ASAP2: variants seen among roughly 807,000 people sequenced by gnomAD.
ASAP2 encodes the protein ArfGAP with SH3 domain, ankyrin repeat and PH domain 2.
In ASAP2, 45 loss-of-function variants were observed where a neutral mutation model predicts 131.4. The ratio of observed to expected loss-of-function variants is 0.34; its 90% CI spans 0.27 to 0.44. ASAP2 has a LOEUF of 0.44. ASAP2 is among the 20% of genes least tolerant of loss of function. The pLI, the probability that ASAP2 is intolerant of heterozygous loss-of-function variation, is 1.00. For missense variants in ASAP2, 1,011 were observed against 1,297.0 expected (o/e 0.78, Z 3.39); for synonymous variants, 510 against 503.0 (o/e 1.01, Z -0.19).
chr2:9,271,409 C>T (rs1666385208), intron 1 of ASAP2: 9 of 1,422,826 alleles, frequency 6.3e-6, no homozygotes, highest in Non-Finnish European at 7.9e-6. Flanking sequence ...TCTGGATGCT[C>T]AATTACAGTA....
chr2:9,378,926 G>T lies in ASAP2; in HGVS notation c.1833-18G>T, dbSNP rs13411384. Reference sequence around the variant, plus strand: ...CTGTGACACACTATGCTCTCTCTCTGTTCCTGTTCTCGGGCAGTGGGAACC... The same window carrying T: ...CTGTGACACACTATGCTCTCTCTCTTTTCCTGTTCTCGGGCAGTGGGAACC... On this transcript the variant is annotated intron_variant, in intron 18 of 27. Transcript: ENST00000281419. The T allele has an allele frequency of 1.4e-6, 2 of 1,427,924 alleles. No individual in the cohort carries two copies. Among genetic ancestry groups the T allele is most frequent in the Non-Finnish European group, 1.9e-6 (2 of 1,078,488 alleles). 88.5% of individuals were successfully genotyped at this position (1,427,924 alleles called of 1,614,324 possible).
intron 1 of ASAP2, among the ~76,000 whole-genome samples, chr2:9,264,139 C>G (rs181988274): frequency 1.9e-3 from 282 of 150,740 alleles, no homozygotes; most frequent in African/African-American, 6.5e-3. Context: ...TTGCAGTGAG[C>G]CAAGATCACA....
chr2:9,278,554 T>G (rs1389505459), intron 1 of ASAP2, among the ~76,000 whole-genome samples: 1 of 151,998 alleles, frequency 6.6e-6, no homozygotes, highest in Admixed American at 6.5e-5. Flanking sequence ...ACTTTTTACC[T>G]TTGTATCTGT....
rs1674266981 is a variant in ASAP2 at position 9,374,842 on chromosome 2, C to G, written c.1644C>G (p.His548Gln). Residue 548 changes from histidine (H) to glutamine (Q), a missense_variant, in exon 17 of 28, where the codon CAC becomes CAG. Transcript: ENST00000281419. The stretch of plus-strand genomic sequence containing the variant: ...ACGCGGATAACGCGGCGAAGCTTCA[C>G]AGTCTTTGCGAGGCCGTCAAAACGA... ...KKHADNAAKL[H>Q]SLCEAVKTRD... The G allele has an allele frequency of 6.2e-7, 1 of 1,613,996 alleles. No individual in the cohort carries two copies. The highest frequency in any genetic ancestry group is 1.3e-5 in the African/African-American group (1 of 74,912).
chr2:9,315,421 C>G (rs1410718102), intron 3 of ASAP2, among the ~76,000 whole-genome samples: 1 of 152,088 alleles, frequency 6.6e-6, no homozygotes, highest in African/African-American at 2.4e-5. Context: ...AGGGTTAAGA[C>G]CTGGAATTTG....
intron 12 of ASAP2, among the ~76,000 whole-genome samples, chr2:9,352,706 T>C (rs979533244): frequency 6.6e-6 from 1 of 152,246 alleles, no homozygotes; most frequent in Non-Finnish European, 1.5e-5. Context: ...CCTCTGTGAA[T>C]CTGGCCACAC....
At chr2:9,211,944 C>T (rs1003246416) in intron 1 of ASAP2, among the ~76,000 whole-genome samples, 1 of 152,144 alleles carries the variant, frequency 6.6e-6, no homozygotes, top group Non-Finnish European at 1.5e-5. Context: ...TCAAACAGGG[C>T]CACCTTTTAA....
At chr2:9,290,415 G>A (rs1667738508) in intron 2 of ASAP2, among the ~76,000 whole-genome samples, 1 of 151,934 alleles carries the variant, frequency 6.6e-6, no homozygotes, top group Non-Finnish European at 1.5e-5. Context: ...TCGCCCTGTT[G>A]GCCAGGCTGG....
chr2:9,245,555 G>A (rs1558262136), intron 1 of ASAP2, among the ~76,000 whole-genome samples: 1 of 152,262 alleles, frequency 6.6e-6, no homozygotes, highest in South Asian at 2.1e-4. Flanking sequence ...TGTGTTGCTC[G>A]AATATCACTA....
At chr2:9,340,492 T>A (rs988859436) in intron 9 of ASAP2, among the ~76,000 whole-genome samples, 3 of 152,242 alleles carry the variant, frequency 2.0e-5, no homozygotes, top group African/African-American at 7.2e-5. Context: ...TAACGATATT[T>A]GAAAGCATTG....
At chr2:9,381,846 G>A (rs1469713354) in intron 20 of ASAP2, among the ~76,000 whole-genome samples, 1 of 152,118 alleles carries the variant, frequency 6.6e-6, no homozygotes, top group East Asian at 1.9e-4. Flanking sequence ...CAAGACTACA[G>A]TGAGCCATGA....
At chr2:9,289,896 A>C (rs1017816312) in intron 2 of ASAP2, among the ~76,000 whole-genome samples, 1 of 152,144 alleles carries the variant, frequency 6.6e-6, no homozygotes, top group Non-Finnish European at 1.5e-5. Flanking sequence ...ATCACATTCC[A>C]AGGGACTTCC....
At chr2:9,271,562 G>A (rs970768622) in intron 1 of ASAP2, 33 of 1,543,174 alleles carry the variant, frequency 2.1e-5, no homozygotes, top group Non-Finnish European at 2.8e-5. Flanking sequence ...CCAGCAGGAA[G>A]CAGGTCATCA....
At chr2:9,212,722 A>G (rs1320567103) in intron 1 of ASAP2, among the ~76,000 whole-genome samples, 1 of 152,148 alleles carries the variant, frequency 6.6e-6, no homozygotes, top group African/African-American at 2.4e-5. Flanking sequence ...CAGCCGCCAC[A>G]TTGCAAGTAC....
intron 6 of ASAP2, among the ~76,000 whole-genome samples, chr2:9,327,564 C>A (rs1670559457): frequency 6.6e-6 from 1 of 152,132 alleles, no homozygotes; most frequent in African/African-American, 2.4e-5. Context: ...GTGAAGATTT[C>A]TCCTAGCAGG....
At chr2:9,369,469 G>T (rs933270090) in intron 16 of ASAP2, among the ~76,000 whole-genome samples, 5 of 152,154 alleles carry the variant, frequency 3.3e-5, no homozygotes, top group Admixed American at 6.5e-5. Flanking sequence ...TGTCCGGCTC[G>T]CCTTAGACTT....
At chr2:9,397,736 A>AT (rs1676258692) in intron 24 of ASAP2, among the ~76,000 whole-genome samples, 2 of 84,354 alleles carry the variant, frequency 2.4e-5, no homozygotes, top group African/African-American at 2.0e-4. Context: ...GGATATATAT[A>AT]TATATATATA....
At chr2:9,331,533 C>G (rs1157091854) in intron 7 of ASAP2, among the ~76,000 whole-genome samples, 1 of 152,054 alleles carries the variant, frequency 6.6e-6, no homozygotes, top group African/African-American at 2.4e-5. Flanking sequence ...TTTGGGAGGC[C>G]AAGGGGGGCG....
At chr2:9,272,323 T>C (rs977445269) in intron 1 of ASAP2, among the ~76,000 whole-genome samples, 1 of 152,266 alleles carries the variant, frequency 6.6e-6, no homozygotes, top group African/African-American at 2.4e-5. Context: ...GTTGAACACC[T>C]TTTTGTATGC....
Sources: gnomAD v4.1 joint callset for allele counts (sites outside exome capture counted in the v4.1 genomes callset) on GRCh38, gnomAD v4.1.1 for gene constraint, MANE v1.5 for transcripts, NCBI Gene and HGNC (gene_info 2026-07-23, HGNC 2026-07-21) for gene names.